Variants in DLG2 observed in about 807,000 individuals in gnomAD.
DLG2 encodes disks large homolog 2.
A neutral mutation model predicts 132.5 loss-of-function variants in DLG2; 45 were observed. That is an observed-to-expected ratio of 0.34 (90% CI 0.27 to 0.44). The LOEUF (loss-of-function observed/expected upper bound fraction) is 0.44. Ranked by LOEUF, DLG2 falls within the 20% of genes least tolerant of loss-of-function variation. The pLI is 1.00. For synonymous variants in DLG2, 424 were observed against 419.6 expected (o/e 1.01, Z -0.13); for missense variants, 1,045 against 1,196.9 (o/e 0.87, Z 1.87).
chr11:85,231,546 A>G (rs140693906), intron 4 of DLG2, among the ~76,000 whole-genome samples: 6 of 151,772 alleles, frequency 4.0e-5, no homozygotes, highest in African/African-American at 1.4e-4. Context: ...TCTGTCACCA[A>G]TCTCTATTGA....
At chr11:85,498,906 C>A (rs1194939800) in intron 3 of DLG2, among the ~76,000 whole-genome samples, 1 of 152,096 alleles carries the variant, frequency 6.6e-6, no homozygotes, top group Admixed American at 6.6e-5. Context: ...AACAAGGACA[C>A]CATGTACCAG....
chr11:85,466,483 TG>T (rs1451281609), intron 3 of DLG2, among the ~76,000 whole-genome samples: 1 of 152,240 alleles, frequency 6.6e-6, no homozygotes, highest in Non-Finnish European at 1.5e-5. Flanking sequence ...AATGAATTTT[TG>T]TATAAGGTGT....
At chr11:85,175,127 T>G (rs943502470) in intron 4 of DLG2, among the ~76,000 whole-genome samples, 81 of 152,132 alleles carry the variant, frequency 5.3e-4, no homozygotes, top group African/African-American at 1.8e-3. Context: ...GAGGCTAGCA[T>G]CATCCTAATG....
At chr11:85,496,753 T>C (rs2093677066) in intron 3 of DLG2, among the ~76,000 whole-genome samples, 1 of 152,184 alleles carries the variant, frequency 6.6e-6, no homozygotes, top group African/African-American at 2.4e-5. Context: ...TTTGCTGTTC[T>C]GCAACCTCCA....
chr11:85,080,386 T>G lies in DLG2; in HGVS notation c.357+31275A>C, dbSNP rs957138706. 2.0e-5 allele frequency among the ~76,000 whole-genome samples: 3 copies of G among 152,170 alleles called. 1 individual carries two copies. Among genetic ancestry groups the G allele is most frequent in the Admixed American group, 2.0e-4 (3 of 15,268 alleles). ...AAAGGACATAAGCTTTGTCTAGTTTTGATAATGACAGGTAAAGAAAACTCA... is the reference window on the plus strand; with the variant it reads ...AAAGGACATAAGCTTTGTCTAGTTTGGATAATGACAGGTAAAGAAAACTCA... On this transcript the variant is annotated intron_variant, in intron 6 of 27. Coordinates refer to ENST00000376104, the MANE Select transcript of DLG2 (RefSeq NM_001142699.3).
chr11:85,250,551 T>C (rs1176206108), intron 4 of DLG2, among the ~76,000 whole-genome samples: 2 of 152,184 alleles, frequency 1.3e-5, no homozygotes, highest in Non-Finnish European at 2.9e-5. Context: ...CTCATGTTTT[T>C]CTTGCAAGAA....
chr11:84,510,608 T>C (rs1173462716), intron 7 of DLG2, among the ~76,000 whole-genome samples: 1 of 152,218 alleles, frequency 6.6e-6, no homozygotes, highest in African/African-American at 2.4e-5. Flanking sequence ...AGGAATAGTA[T>C]CCAAATGTAT....
chr11:84,004,977 G>A (rs2094513322), intron 11 of DLG2, among the ~76,000 whole-genome samples: 1 of 143,472 alleles, frequency 7.0e-6, no homozygotes, highest in Admixed American at 7.0e-5. Context: ...AATAGCTGAA[G>A]CAATCCTGAG....
rs72459775 is a variant in DLG2 at position 83,520,695 on chromosome 11, G to GTAGATAGATAGATAGATAGA, written c.2193+11993_2193+12012dup. The stretch of plus-strand genomic sequence containing the variant: ...GAAAGACAGACAGGTAAGTAGGTAG[G>GTAGATAGATAGATAGATAGA]TAGATAGATAGATAGATAGATAGAT... On this transcript the variant is annotated intron_variant, in intron 21 of 27. Coordinates refer to ENST00000376104, the MANE Select transcript of DLG2 (RefSeq NM_001142699.3). Among the ~76,000 whole-genome samples the GTAGATAGATAGATAGATAGA allele has an allele frequency of 1.1e-3, 160 of 149,148 alleles. 2 individuals are homozygous for GTAGATAGATAGATAGATAGA. Among genetic ancestry groups the GTAGATAGATAGATAGATAGA allele is most frequent in the East Asian group, 6.2e-3 (31 of 4,986 alleles).
intron 22 of DLG2, among the ~76,000 whole-genome samples, chr11:83,481,605 C>G (rs7123816): frequency 0.2 from 31,060 of 151,962 alleles, 3,350 homozygotes; most frequent in African/African-American, 0.22. Flanking sequence ...TCACACAAAT[C>G]ATTTCTCTTT....
At chr11:84,696,717 AAAT>A (rs2058653498) in intron 6 of DLG2, among the ~76,000 whole-genome samples, 1 of 151,436 alleles carries the variant, frequency 6.6e-6, no homozygotes, top group South Asian at 2.1e-4. Flanking sequence ...GTGAGAAATG[AAAT>A]AATGTTAAGG....
At chr11:85,361,310 A>T (rs1389869172) in intron 3 of DLG2, among the ~76,000 whole-genome samples, 2 of 149,024 alleles carry the variant, frequency 1.3e-5, no homozygotes, top group South Asian at 2.1e-4. Context: ...AGACTTTTCT[A>T]TTTTTTTTTT....
At chr11:84,628,708 T>C (rs1488179882) in intron 6 of DLG2, among the ~76,000 whole-genome samples, 4 of 152,196 alleles carry the variant, frequency 2.6e-5, no homozygotes, top group Non-Finnish European at 4.4e-5. Flanking sequence ...TCTATGTGAT[T>C]TTTTGTCTCA....
intron 11 of DLG2, among the ~76,000 whole-genome samples, chr11:84,008,911 A>G (rs2094721929): frequency 1.3e-5 from 2 of 148,612 alleles, no homozygotes; most frequent in Non-Finnish European, 3.0e-5. Context: ...CTTTATCTAC[A>G]GATTTTTTCT....
intron 3 of DLG2, among the ~76,000 whole-genome samples, chr11:85,374,689 G>A (rs1418811361): frequency 1.3e-5 from 2 of 151,940 alleles, no homozygotes; most frequent in African/African-American, 4.8e-5. Flanking sequence ...AATAAAAGAG[G>A]GTACTGGCAC....
At chr11:84,752,564 CTTTTTT>C (rs370347853) in intron 6 of DLG2, among the ~76,000 whole-genome samples, 7 of 127,508 alleles carry the variant, frequency 5.5e-5, no homozygotes, top group Admixed American at 3.1e-4. Context: ...TTTTCTTTTT[CTTTTTT>C]TTTTTTTTTT....
At chr11:84,052,608 C>A (rs147968713) in intron 11 of DLG2, among the ~76,000 whole-genome samples, 2,140 of 150,148 alleles carry the variant, frequency 0.014, 46 homozygotes, top group African/African-American at 0.05. Flanking sequence ...CTCAACGTCA[C>A]TGATCATCAG....
chr11:84,035,567 G>A (rs1431341470), intron 11 of DLG2, among the ~76,000 whole-genome samples: 1 of 152,202 alleles, frequency 6.6e-6, no homozygotes, highest in Non-Finnish European at 1.5e-5. Context: ...TGGGCAAGGG[G>A]AAATTGATGG....
chr11:84,338,330 C>G (rs1381739712), intron 7 of DLG2, among the ~76,000 whole-genome samples: 1 of 152,174 alleles, frequency 6.6e-6, no homozygotes, highest in Non-Finnish European at 1.5e-5. Context: ...CTTGTTCACT[C>G]TCTTCTCTGA....
Sources: allele counts gnomAD v4.1 joint callset (sites outside exome capture counted in the v4.1 genomes callset), GRCh38; gene constraint gnomAD v4.1.1; transcripts MANE v1.5; gene names NCBI Gene and HGNC (gene_info 2026-07-23, HGNC 2026-07-21).